Variants in DCUN1D1 observed in about 807,000 individuals in gnomAD.
DCUN1D1 encodes defective in cullin neddylation 1 domain containing 1.
Under a neutral mutation model 39.0 loss-of-function variants are expected in DCUN1D1, and 3 were observed. The ratio of observed to expected loss-of-function variants is 0.08; its 90% CI spans 0.04 to 0.20. The LOEUF is 0.20. DCUN1D1 is among the 10% of genes least tolerant of loss of function. The pLI is 1.00. For synonymous variants in DCUN1D1, 82 were observed against 96.3 expected, an observed-to-expected ratio of 0.85 and a Z score of 0.87; for missense variants, 158 against 302.4, an observed-to-expected ratio of 0.52 and a Z score of 3.54.
chr3:182,955,746 A>G (rs2108636681), intron 4 of DCUN1D1: 1 of 302,954 alleles, frequency 3.3e-6, no homozygotes, highest in African/African-American at 2.2e-5. Context: ...ACACCTGGCT[A>G]ATTTTTGTAT....
chr3:182,976,928 A>G (rs553665527), intron 1 of DCUN1D1, among the ~76,000 whole-genome samples: 1 of 152,352 alleles, frequency 6.6e-6, no homozygotes, highest in East Asian at 1.9e-4. Context: ...ATAGACCTAC[A>G]TGTATTTGAA....
upstream of DCUN1D1, among the ~76,000 whole-genome samples, chr3:182,981,859 C>A (rs1260673672): frequency 6.6e-6 from 1 of 152,208 alleles, no homozygotes; most frequent in Non-Finnish European, 1.5e-5. Flanking sequence ...TCCATTCTTT[C>A]CCCCAATATT....
chr3:182,959,544 GGGTAAGTTACTTAACCTTCCTGT>G (rs1727276698), intron 4 of DCUN1D1, among the ~76,000 whole-genome samples: 1 of 143,050 alleles, frequency 7.0e-6, no homozygotes. Context: ...TACCTTCACT[GGGTAAGTTACTTAACCTTCCTGT>G]GCCTAAATTT....
chr3:182,979,572 A>G (rs1728411418), intron 1 of DCUN1D1, among the ~76,000 whole-genome samples: 1 of 148,302 alleles, frequency 6.7e-6, no homozygotes, highest in South Asian at 2.1e-4. Context: ...CTCGACCACA[A>G]GGGTCTGCAA....
intron 1 of DCUN1D1, among the ~76,000 whole-genome samples, chr3:182,966,026 G>A (rs1341389745): frequency 6.6e-6 from 1 of 152,082 alleles, no homozygotes; most frequent in Admixed American, 6.5e-5. Flanking sequence ...GGTCCTGAGA[G>A]CATACAGAAA....
At chr3:182,980,677 C>T (rs1432082421), upstream of DCUN1D1, 2 of 722,548 alleles carry the variant, frequency 2.8e-6, no homozygotes, top group African/African-American at 3.9e-5. Flanking sequence ...GCGGAGGGCG[C>T]CCCGCGCGGG....
At chr3:182,955,311 C>A in intron 4 of DCUN1D1, 1 of 545,612 alleles carries the variant, frequency 1.8e-6, no homozygotes, top group South Asian at 1.4e-5. Flanking sequence ...TTCTTCACTT[C>A]TTCTGCAGCT....
chr3:182,949,540 C>T (rs1254898864), intron 4 of DCUN1D1, among the ~76,000 whole-genome samples: 1 of 152,094 alleles, frequency 6.6e-6, no homozygotes, highest in East Asian at 1.9e-4. Flanking sequence ...GGCAACATAG[C>T]AAGACCCCAT....
rs1577146234 is a variant in DCUN1D1, at chr3:182,938,133, A to G, written c.*6961T>C. 1 of 152,322 alleles carries G rather than the reference A, an allele frequency of 6.6e-6. No homozygotes were observed. Among genetic ancestry groups the G allele is most frequent in the East Asian group, 1.9e-4 (1 of 5,190 alleles). 9.4% of individuals were successfully genotyped at this position (152,322 alleles called of 1,614,324 possible). On this transcript the variant is annotated 3_prime_UTR_variant, in exon 7 of 7. Coordinates refer to ENST00000292782, the MANE Select transcript of DCUN1D1 (RefSeq NM_020640.4). ...ATCTGTTGATATAATAGCTTCTTAT[A>G]TACTACATTAACTTGAAAAATATAT... is the stretch of plus-strand genomic sequence containing the variant.
At chr3:182,968,099 G>C (rs1262081359) in intron 1 of DCUN1D1, among the ~76,000 whole-genome samples, 1 of 152,114 alleles carries the variant, frequency 6.6e-6, no homozygotes, top group Non-Finnish European at 1.5e-5. Context: ...TTTAGAGACA[G>C]GGTCTCGCTA....
rs141065518 is a variant in DCUN1D1 at position 182,961,031 on chromosome 3, T to C, written c.520+195A>G. Among the ~76,000 whole-genome samples the C allele has an allele frequency of 2.3e-3, 352 of 152,330 alleles. 2 individuals are homozygous for C. The highest frequency in any genetic ancestry group is 7.4e-3 in the African/African-American group (309 of 41,568). ...ATAAAGCAAAAGTCAGTGGTTCACA[T>C]ATAGTACCCAGGGTAAACTTACTCA... is the stretch of plus-strand genomic sequence containing the variant. On this transcript the variant is annotated intron_variant, in intron 4 of 6. Coordinates refer to ENST00000292782, the MANE Select transcript of DCUN1D1 (RefSeq NM_020640.4).
chr3:182,947,161 A>T, intron 6 of DCUN1D1, 77 bp downstream of exon 6: 1 of 751,948 alleles, frequency 1.3e-6, no homozygotes, highest in East Asian at 2.8e-5. Flanking sequence ...GAGAAAAACA[A>T]AAGTACCTAA....
chr3:182,950,402 T>G (rs1278267366), intron 4 of DCUN1D1, among the ~76,000 whole-genome samples: 1 of 152,082 alleles, frequency 6.6e-6, no homozygotes, highest in East Asian at 1.9e-4. Flanking sequence ...TGCCTCAGCC[T>G]ACCAAAGTGC....
chr3:182,978,205 G>T (rs1485923752), intron 1 of DCUN1D1, among the ~76,000 whole-genome samples: 1 of 150,958 alleles, frequency 6.6e-6, no homozygotes, highest in Non-Finnish European at 1.5e-5. Flanking sequence ...GTTTGCTCTA[G>T]AACTGACAAT....
chr3:182,967,588 T>C (rs1182900991), intron 1 of DCUN1D1, among the ~76,000 whole-genome samples: 1 of 152,224 alleles, frequency 6.6e-6, no homozygotes, highest in African/African-American at 2.4e-5. Context: ...GATTAAAATC[T>C]CAACCTCTGT....
intron 2 of DCUN1D1, 145 bp from the exon 3 acceptor site, chr3:182,964,194 C>G (rs1353120095): frequency 3.3e-6 from 2 of 600,866 alleles, no homozygotes; most frequent in Non-Finnish European, 5.7e-6. Flanking sequence ...CATACACTTT[C>G]CCATTATTTA....
intron 4 of DCUN1D1, 61 bp downstream of exon 4, chr3:182,961,165 G>A (rs571613788): frequency 7.0e-6 from 8 of 1,150,376 alleles, no homozygotes; most frequent in Admixed American, 2.6e-5. Flanking sequence ...TTACAAAAAC[G>A]ACACTGTCAA....
intron 4 of DCUN1D1, among the ~76,000 whole-genome samples, chr3:182,958,950 CCCTTT>C (rs1262342697): frequency 6.6e-6 from 1 of 152,118 alleles, no homozygotes; most frequent in Non-Finnish European, 1.5e-5. Flanking sequence ...TAGGTTATGT[CCCTTT>C]AAATCAACAT....
chr3:182,981,411 TGAG>T (rs952256309), upstream of DCUN1D1, among the ~76,000 whole-genome samples: 1 of 152,198 alleles, frequency 6.6e-6, no homozygotes, highest in Non-Finnish European at 1.5e-5. Flanking sequence ...CAACTGAGGC[TGAG>T]GAGCACTAGG....
Sources: allele counts gnomAD v4.1 joint callset (sites outside exome capture counted in the v4.1 genomes callset), GRCh38; gene constraint gnomAD v4.1.1; transcripts MANE v1.5; gene names NCBI Gene and HGNC (gene_info 2026-07-23, HGNC 2026-07-21).